The following EVL variants were observed in gnomAD, a reference collection of about 807,000 sequenced individuals.
EVL encodes Enah/Vasp-like, also known as ena/VASP-like protein.
A neutral mutation model predicts 59.6 loss-of-function variants in EVL; 21 were observed. The ratio of observed to expected loss-of-function variants is 0.35; its 90% CI spans 0.25 to 0.51. The LOEUF (loss-of-function observed/expected upper bound fraction) is 0.51. Ranked by LOEUF, EVL falls within the 20% of genes least tolerant of loss-of-function variation. The pLI, the probability that EVL is intolerant of heterozygous loss-of-function variation, is 0.97. For synonymous variants in EVL, 198 were observed against 203.5 expected, an observed-to-expected ratio of 0.97 and a Z score of 0.23; for missense variants, 462 against 546.6, an observed-to-expected ratio of 0.85 and a Z score of 1.54.
intron 3 of EVL, among the ~76,000 whole-genome samples, chr14:100,103,323 A>C (rs560764700): frequency 6.6e-6 from 1 of 152,176 alleles, no homozygotes; most frequent in African/African-American, 2.4e-5. Flanking sequence ...CAGATGTAGA[A>C]AAGTCAGCGT....
chr14:100,077,855 C>T (rs2062198380), intron 1 of EVL, among the ~76,000 whole-genome samples: 1 of 152,186 alleles, frequency 6.6e-6, no homozygotes, highest in Non-Finnish European at 1.5e-5. Context: ...TCACTGCAAG[C>T]TCTGCCTCCC....
chr14:100,144,187 T>C lies in EVL; in HGVS notation c.*449T>C, dbSNP rs114353470. On this transcript the variant is annotated 3_prime_UTR_variant, in exon 14 of 14. Transcript: ENST00000392920. Reference sequence around the variant, plus strand: ...CTCATGGTGTTGAAACTGTCTGTCATGCACCACGGTGTCTGTGTCCACACA... The same window carrying C: ...CTCATGGTGTTGAAACTGTCTGTCACGCACCACGGTGTCTGTGTCCACACA... 471 of 181,752 alleles carry C rather than the reference T, an allele frequency of 2.6e-3. 4 individuals carry two copies. The highest frequency in any genetic ancestry group is 0.01 in the African/African-American group (439 of 42,274). The allele number at this position is 181,752 out of a possible 1,614,324, so 11.3% of individuals were successfully genotyped here.
At chr14:100,060,643 G>A (rs2061811611), upstream of EVL, among the ~76,000 whole-genome samples, 1 of 152,102 alleles carries the variant, frequency 6.6e-6, no homozygotes, top group East Asian at 1.9e-4. Context: ...CTACATACGT[G>A]TAATTGGAGT....
At chr14:99,974,553 C>G (rs898156796) in intron 1 of EVL, 1 of 152,922 alleles carries the variant, frequency 6.5e-6, no homozygotes, top group Admixed American at 6.5e-5. Context: ...TGCCAGCCAT[C>G]ATCAACAGCT....
At position 100,092,947 on chromosome 14, in the gene EVL, T is replaced by C. The variant is rs2062596058; in HGVS notation, c.181-4534T>C. On this transcript the variant is annotated intron_variant, in intron 2 of 13. Transcript: ENST00000392920. ...CATGGTTATCTCTACAAGTGAGTGT[T>C]GGGTGATGGGTACTAAATGAAGCAG... is the stretch of plus-strand genomic sequence containing the variant. 2.0e-5 allele frequency among the ~76,000 whole-genome samples: 3 copies of C among 152,368 alleles called. No homozygotes were observed. The East Asian group carries it at 5.8e-4, about 29-fold the overall frequency.
chr14:100,015,998 G>T (rs182522433), intron 1 of EVL, among the ~76,000 whole-genome samples: 62 of 151,512 alleles, frequency 4.1e-4, no homozygotes, highest in Non-Finnish European at 7.8e-4. Context: ...AGAATCACAT[G>T]AACCTGGGAG....
chr14:100,068,081 A>G (rs1035713980), intron 1 of EVL, among the ~76,000 whole-genome samples: 1 of 152,178 alleles, frequency 6.6e-6, no homozygotes, highest in African/African-American at 2.4e-5. Flanking sequence ...CGGGAGGCAG[A>G]ATATAGTCAA....
chr14:100,132,878 G>A, intron 8 of EVL, 99 bp downstream of exon 8: 1 of 1,320,062 alleles, frequency 7.6e-7, no homozygotes, highest in Non-Finnish European at 1.1e-6. Context: ...GGACATGCGT[G>A]GGATGGGCGC....
Position 99,972,078 on chromosome 14 carries a change from C to T in EVL, c.5+21C>T. 3.3e-6 allele frequency: 1 copy of T among 305,048 alleles called. No individual in the cohort carries two copies. The highest frequency in any genetic ancestry group is 6.0e-6 in the Non-Finnish European group (1 of 166,366). 18.9% of individuals were successfully genotyped at this position (305,048 alleles called of 1,614,324 possible). ...ATGAGGTGAGTCGGGGCCGGCGCCTCGTGGGAGGTGGCAGCGGCCAGCGTC... is the reference window on the plus strand; with the variant it reads ...ATGAGGTGAGTCGGGGCCGGCGCCTTGTGGGAGGTGGCAGCGGCCAGCGTC... On this transcript the variant is annotated intron_variant, in intron 1 of 13. Transcript: ENST00000402714. This position sits in a 1 kb window ranked among gnomAD's most constrained non-coding sequence, Gnocchi z 4.4.
chr14:99,998,473 T>C (rs2060927259), intron 1 of EVL, among the ~76,000 whole-genome samples: 1 of 152,212 alleles, frequency 6.6e-6, no homozygotes, highest in Non-Finnish European at 1.5e-5. Flanking sequence ...GTACAAGCAT[T>C]GTTATCTGTA....
intron 1 of EVL, among the ~76,000 whole-genome samples, chr14:99,993,685 C>CTTTTTTTTTTTTT (rs532512303): frequency 5.1e-5 from 4 of 78,262 alleles, no homozygotes; most frequent in Non-Finnish European, 9.3e-5. Flanking sequence ...TTCTTTCTTT[C>CTTTTTTTTTTTTT]TTTTTTTTTT....
At chr14:100,129,458 C>T in intron 6 of EVL, 105 bp from the exon 7 acceptor site, 1 of 1,524,222 alleles carries the variant, frequency 6.6e-7, no homozygotes, top group Non-Finnish European at 9.0e-7. Flanking sequence ...AGTGCTGCTG[C>T]CATAGGATTC....
At chr14:99,992,667 T>C (rs2060883276) in intron 1 of EVL, among the ~76,000 whole-genome samples, 1 of 152,236 alleles carries the variant, frequency 6.6e-6, no homozygotes, top group African/African-American at 2.4e-5. Context: ...TTCCTAACAC[T>C]GTTTGTTGAA....
At chr14:100,050,324 A>T (rs962008307) in intron 1 of EVL, among the ~76,000 whole-genome samples, 15 of 150,370 alleles carry the variant, frequency 1.0e-4, no homozygotes, top group African/African-American at 3.7e-4. Flanking sequence ...TTGCTTTTTT[A>T]AAAATTTGTG....
chr14:99,990,403 G>C (rs2060867703), intron 1 of EVL, among the ~76,000 whole-genome samples: 1 of 151,968 alleles, frequency 6.6e-6, no homozygotes, highest in Non-Finnish European at 1.5e-5. Flanking sequence ...CAGTTCATTA[G>C]CGTTAAGTAT....
At chr14:100,040,267 A>G (rs78088679) in intron 1 of EVL, among the ~76,000 whole-genome samples, 3,413 of 151,912 alleles carry the variant, frequency 0.022, 142 homozygotes, top group African/African-American at 0.079. Flanking sequence ...CATTTTTAAC[A>G]TTACTGTATT....
chr14:99,986,844 G>A (rs2060843186), intron 1 of EVL, among the ~76,000 whole-genome samples: 1 of 152,122 alleles, frequency 6.6e-6, no homozygotes, highest in Non-Finnish European at 1.5e-5. Flanking sequence ...CTGGGACAAA[G>A]TACCCACATA....
chr14:99,984,418 A>ACCCCAG (rs2060827001), intron 1 of EVL, among the ~76,000 whole-genome samples: 1 of 151,910 alleles, frequency 6.6e-6, no homozygotes, highest in Non-Finnish European at 1.5e-5. Flanking sequence ...CAAAATGGAG[A>ACCCCAG]CCCCAGCCCC....
At chr14:100,053,173 G>A (rs1008480344) in intron 1 of EVL, among the ~76,000 whole-genome samples, 4 of 152,074 alleles carry the variant, frequency 2.6e-5, no homozygotes, top group Non-Finnish European at 5.9e-5. Flanking sequence ...TGAATTTTGG[G>A]GGCCACAGTC....
Sources: gnomAD v4.1 joint callset for allele counts (sites outside exome capture counted in the v4.1 genomes callset) on GRCh38, gnomAD v4.1.1 for gene constraint, Gnocchi (gnomAD v3.1) non-coding constraint, MANE v1.5 for transcripts, NCBI Gene and HGNC (gene_info 2026-07-23, HGNC 2026-07-21) for gene names.